Variants in CRISP1 observed in about 807,000 individuals in gnomAD.
CRISP1 encodes cysteine-rich secretory protein 1.
CRISP1 carries 44 observed loss-of-function variants against 33.1 expected under a neutral mutation model. The ratio of observed to expected loss-of-function variants is 1.33; its 90% CI spans 1.05 to 1.71. The LOEUF (loss-of-function observed/expected upper bound fraction) is 1.71. CRISP1 is among the 40% of genes most tolerant of loss of function. The pLI is 0.00. For missense variants in CRISP1, 390 were observed against 301.2 expected, an observed-to-expected ratio of 1.29 and a Z score of -2.18; for synonymous variants, 103 against 98.7, an observed-to-expected ratio of 1.04 and a Z score of -0.26.
chr6:49,872,235 T>G (rs1402814534), intron 1 of CRISP1, among the ~76,000 whole-genome samples: 9 of 152,212 alleles, frequency 5.9e-5, no homozygotes, highest in South Asian at 2.1e-4. Flanking sequence ...TTGCCCACTT[T>G]TTGATGGGGT....
chr6:49,861,892 AT>A (rs772164158), intron 1 of CRISP1, among the ~76,000 whole-genome samples: 38 of 151,346 alleles, frequency 2.5e-4, no homozygotes, highest in Admixed American at 3.3e-4. Context: ...AAAAAAAAAA[AT>A]AACATAACTC....
chr6:49,854,802 C>T (rs775947195), intron 2 of CRISP1, among the ~76,000 whole-genome samples: 16 of 152,082 alleles, frequency 1.1e-4, no homozygotes, highest in Non-Finnish European at 2.2e-4. Flanking sequence ...TTGAGGTTGT[C>T]GTGATGGGCA....
At position 49,859,442 on chromosome 6, in the gene CRISP1, G is replaced by A. The variant is rs143532893; in HGVS notation, c.-2-2040C>T. On this transcript the variant is annotated intron_variant, in intron 1 of 7. Coordinates refer to ENST00000335847, the MANE Select transcript of CRISP1 (RefSeq NM_001131.3). Reference sequence around the variant, plus strand: ...AACATCCACCTATGGATACTATAACGAAGAAAGTTATTCTTCATAAATGAA... The same window carrying A: ...AACATCCACCTATGGATACTATAACAAAGAAAGTTATTCTTCATAAATGAA... Among the ~76,000 whole-genome samples the A allele has an allele frequency of 4.4e-3, 660 of 149,200 alleles. 4 individuals are homozygous for A. Among genetic ancestry groups the A allele is most frequent in the African/African-American group, 0.015 (623 of 40,730 alleles).
At position 49,846,552 on chromosome 6, in the gene CRISP1, C is replaced by G; in HGVS notation, c.403G>C (p.Asp135His). The G allele has an allele frequency of 6.2e-7, 1 of 1,613,484 alleles. No individual in the cohort carries two copies. ...SFKHGEWTTT[D>H]DDITTDHYTQ... ...TAGTGGTCAGTAGTTATGTCATCATCCGTTGTTGTCCATTCTCCATGTTTG... is the reference window on the plus strand; with the variant it reads ...TAGTGGTCAGTAGTTATGTCATCATGCGTTGTTGTCCATTCTCCATGTTTG... Residue 135 changes from aspartate (D) to histidine (H), a missense_variant, in exon 5 of 8, where the codon GAT becomes CAT. Coordinates refer to ENST00000335847, the MANE Select transcript of CRISP1 (RefSeq NM_001131.3).
chr6:49,839,039 G>A (rs905255012), intron 6 of CRISP1, among the ~76,000 whole-genome samples: 2 of 152,050 alleles, frequency 1.3e-5, no homozygotes, highest in Admixed American at 1.3e-4. Flanking sequence ...AAGAGATGGT[G>A]TATATAAAAG....
At chr6:49,841,227 C>G (rs117506836) in intron 5 of CRISP1, among the ~76,000 whole-genome samples, 1 of 152,014 alleles carries the variant, frequency 6.6e-6, no homozygotes. Context: ...AATCAGCTGA[C>G]GGGGAGGATG....
intron 1 of CRISP1, among the ~76,000 whole-genome samples, chr6:49,874,977 A>G (rs1295315234): frequency 2.6e-5 from 4 of 152,034 alleles, no homozygotes; most frequent in Non-Finnish European, 5.9e-5. Context: ...AAAGCTGGAA[A>G]CATTTTCCTT....
intron 7 of CRISP1, 37 bp downstream of exon 7, chr6:49,838,400 G>T (rs1173909039): frequency 1.0e-5 from 15 of 1,441,316 alleles, no homozygotes; most frequent in Non-Finnish European, 1.4e-5. Flanking sequence ...CAGATCAATG[G>T]GTTAACTGTA....
chr6:49,838,090 G>A (rs1770861954), intron 7 of CRISP1, among the ~76,000 whole-genome samples: 1 of 152,134 alleles, frequency 6.6e-6, no homozygotes, highest in South Asian at 2.1e-4. Context: ...AAAGCAATGG[G>A]CCTAAATTAT....
intron 6 of CRISP1, 37 bp downstream of exon 6, chr6:49,840,861 T>C: frequency 6.7e-7 from 1 of 1,503,292 alleles, no homozygotes; most frequent in Non-Finnish European, 9.2e-7. Context: ...TAGGTTACTT[T>C]AGGGGGATAT....
chr6:49,862,847 CA>C (rs1771690333), intron 1 of CRISP1, among the ~76,000 whole-genome samples: 2 of 151,246 alleles, frequency 1.3e-5, no homozygotes, highest in East Asian at 3.9e-4. Context: ...ACTGGAGGGT[CA>C]TTTTTTTTTG....
intron 4 of CRISP1, 130 bp downstream of exon 4, chr6:49,848,079 C>T (rs1268889130): frequency 1.9e-6 from 1 of 516,206 alleles, no homozygotes; most frequent in Non-Finnish European, 3.4e-6. Flanking sequence ...AATTCACTGC[C>T]TTGTATGACC....
Position 49,846,606 on chromosome 6 carries a change from C to T in CRISP1, c.349G>A (p.Gly117Arg). 3 of 1,613,516 alleles carry T rather than the reference C, an allele frequency of 1.9e-6. No homozygotes were observed. Among genetic ancestry groups the T allele is most frequent in the Non-Finnish European group, 2.5e-6 (3 of 1,179,640 alleles). ...SYPVSWSSVI[G>R]VWYSESTSFK... ...CTTGTAGACTCACTGTACCAGACTC[C>T]AATTACACTTGACCATGATACAGGA... is the stretch of plus-strand genomic sequence containing the variant. The change falls in exon 5 of 8, where the codon GGA becomes AGA. Residue 117 changes from glycine (G) to arginine (R), a missense_variant. Physicochemically the swap from Gly to Arg is moderately radical, Grantham distance 125 (BLOSUM62 -2). Coordinates refer to ENST00000335847, the MANE Select transcript of CRISP1 (RefSeq NM_001131.3).
At chr6:49,873,949 CTAAT>C (rs1771979272) in intron 1 of CRISP1, among the ~76,000 whole-genome samples, 1 of 151,956 alleles carries the variant, frequency 6.6e-6, no homozygotes, top group African/African-American at 2.4e-5. Context: ...CTGAAAATTC[CTAAT>C]TAGTTGATTG....
chr6:49,868,322 T>A (rs1354975376), upstream of CRISP1, among the ~76,000 whole-genome samples: 1 of 152,188 alleles, frequency 6.6e-6, no homozygotes, highest in Non-Finnish European at 1.5e-5. Flanking sequence ...TAGGAAACTA[T>A]CTACAATAAC....
At chr6:49,836,635 G>C (rs971236483) in intron 7 of CRISP1, among the ~76,000 whole-genome samples, 1 of 151,926 alleles carries the variant, frequency 6.6e-6, no homozygotes, top group South Asian at 2.1e-4. Context: ...CACCGCGCCC[G>C]GCCTACAAAT....
chr6:49,841,464 C>T (rs548773534), intron 5 of CRISP1, among the ~76,000 whole-genome samples: 45 of 152,160 alleles, frequency 3.0e-4, no homozygotes, highest in Middle Eastern at 3.4e-3. Flanking sequence ...GTACATGGGC[C>T]GTACATGACT....
At position 49,834,803 on chromosome 6, in the gene CRISP1, C is replaced by T. The variant is rs1770728991; in HGVS notation, c.*513G>A. ...TAGATGTGTCAATAAAACAATGAGA[C>T]ATTTAAACTACTTCCAATTAAATGA... On this transcript the variant is annotated 3_prime_UTR_variant, in exon 8 of 8. Transcript: ENST00000335847. 6.6e-6 allele frequency: 1 copy of T among 152,284 alleles called. No homozygotes were observed. Among genetic ancestry groups the T allele is most frequent in the Admixed American group, 6.5e-5 (1 of 15,274 alleles). 9.4% of individuals were successfully genotyped at this position (152,284 alleles called of 1,614,324 possible). A position where few individuals can be genotyped will look rare whatever the true frequency, so the allele number is the denominator to read the frequency against.
intron 4 of CRISP1, 25 bp downstream of exon 4, chr6:49,848,184 G>T (rs371071609): frequency 7.6e-6 from 10 of 1,308,508 alleles, no homozygotes; most frequent in East Asian, 2.4e-5. Flanking sequence ...TAGTCCAAAG[G>T]CGGGTCATAT....
Sources: gnomAD v4.1 joint callset for allele counts (sites outside exome capture counted in the v4.1 genomes callset) on GRCh38, gnomAD v4.1.1 for gene constraint, MANE v1.5 for transcripts, NCBI Gene and HGNC (gene_info 2026-07-23, HGNC 2026-07-21) for gene names.